Variants in NPAS3 observed in about 807,000 individuals in gnomAD.
NPAS3 encodes the protein neuronal PAS domain protein 3, also known as neuronal PAS domain-containing protein 3.
A neutral mutation model predicts 73.1 loss-of-function variants in NPAS3; 14 were observed. That is an observed-to-expected ratio of 0.19 (90% confidence interval 0.13 to 0.30). The LOEUF (loss-of-function observed/expected upper bound fraction) is 0.30. Ranked by LOEUF, NPAS3 falls within the 10% of genes least tolerant of loss-of-function variation. The pLI is 1.00. For missense variants in NPAS3, 1,096 were observed against 1,250.0 expected, an observed-to-expected ratio of 0.88 and a Z score of 1.86; for synonymous variants, 620 against 541.5, an observed-to-expected ratio of 1.14 and a Z score of -2.01.
chr14:33,162,592 A>G (rs2044939777), intron 2 of NPAS3, among the ~76,000 whole-genome samples: 1 of 152,144 alleles, frequency 6.6e-6, no homozygotes, highest in Non-Finnish European at 1.5e-5. Context: ...CATGTTTGTG[A>G]CTTGACTGTC....
chr14:33,444,852 C>A (rs2049413743), intron 4 of NPAS3, among the ~76,000 whole-genome samples: 1 of 152,246 alleles, frequency 6.6e-6, no homozygotes, highest in African/African-American at 2.4e-5. Flanking sequence ...TCTGCTTTTG[C>A]CCGAATGTTA....
At chr14:33,120,183 C>A (rs1279320) in intron 2 of NPAS3, among the ~76,000 whole-genome samples, 72,088 of 151,752 alleles carry the variant, frequency 0.48, 17,419 homozygotes, top group Middle Eastern at 0.56. Flanking sequence ...CTGGTCTTGA[C>A]CTCCTGACCT....
chr14:33,469,035 A>G (rs1379749938), intron 4 of NPAS3, among the ~76,000 whole-genome samples: 4 of 152,318 alleles, frequency 2.6e-5, no homozygotes, highest in Non-Finnish European at 4.4e-5. Context: ...GAACATTCCA[A>G]GAGAAGCATA....
chr14:33,607,606 G>A (rs2057613810), intron 5 of NPAS3, among the ~76,000 whole-genome samples: 1 of 152,078 alleles, frequency 6.6e-6, no homozygotes, highest in Non-Finnish European at 1.5e-5. Context: ...AGGCTTCACG[G>A]GTGCATTAAT....
chr14:33,244,454 C>A (rs1371964560), intron 3 of NPAS3, among the ~76,000 whole-genome samples: 1 of 151,696 alleles, frequency 6.6e-6, no homozygotes, highest in African/African-American at 2.4e-5. Context: ...GATAGTGGTA[C>A]ATAAACACTT....
At chr14:33,438,677 C>T (rs555890288) in intron 4 of NPAS3, among the ~76,000 whole-genome samples, 2 of 152,150 alleles carry the variant, frequency 1.3e-5, no homozygotes, top group African/African-American at 4.8e-5. Flanking sequence ...AGAATCCATG[C>T]TCAGAATCAC....
At chr14:33,398,057 ATTC>A (rs2047298050) in intron 4 of NPAS3, among the ~76,000 whole-genome samples, 3 of 152,126 alleles carry the variant, frequency 2.0e-5, no homozygotes, top group African/African-American at 7.2e-5. Flanking sequence ...TTAGGGAAAC[ATTC>A]TTCTCCTTTC....
intron 3 of NPAS3, among the ~76,000 whole-genome samples, chr14:33,221,748 A>G (rs1193398976): frequency 6.6e-6 from 1 of 152,072 alleles, no homozygotes; most frequent in Non-Finnish European, 1.5e-5. Flanking sequence ...CGCCACTATT[A>G]CCTTATTTTC....
chr14:33,638,191 C>T (rs2058578437), intron 5 of NPAS3, among the ~76,000 whole-genome samples: 1 of 152,126 alleles, frequency 6.6e-6, no homozygotes, highest in Non-Finnish European at 1.5e-5. Context: ...TCAAATTTTT[C>T]CTTTTTATAT....
upstream of NPAS3, among the ~76,000 whole-genome samples, chr14:32,938,485 T>TAGAGAGAG (rs1491191135): frequency 0.019 from 423 of 21,736 alleles, 27 homozygotes; most frequent in Non-Finnish European, 0.024. Flanking sequence ...GAGAGAGAAA[T>TAGAGAGAG]TGAGAGAGAG....
At chr14:33,297,200 G>A (rs2042338524) in intron 3 of NPAS3, among the ~76,000 whole-genome samples, 2 of 143,358 alleles carry the variant, frequency 1.4e-5, no homozygotes, top group African/African-American at 2.6e-5. Context: ...TACTGGGAAT[G>A]TTATCTGAGC....
chr14:33,778,416 C>T, intron 8 of NPAS3, 50 bp from the exon 9 acceptor site: 3 of 1,294,878 alleles, frequency 2.3e-6, no homozygotes, highest in Non-Finnish European at 3.4e-6. Flanking sequence ...TTGACAGTTT[C>T]TTTATATTTC....
intron 4 of NPAS3, among the ~76,000 whole-genome samples, chr14:33,457,904 C>T (rs1022093648): frequency 2.0e-5 from 3 of 152,152 alleles, no homozygotes; most frequent in Non-Finnish European, 4.4e-5. Context: ...TGTTTATCAG[C>T]GTCTCACTGT....
At chr14:33,156,974 T>C (rs1164366790) in intron 2 of NPAS3, among the ~76,000 whole-genome samples, 1 of 152,162 alleles carries the variant, frequency 6.6e-6, no homozygotes, top group East Asian at 1.9e-4. Context: ...GAACTGTAGT[T>C]ACATTTACCA....
intron 5 of NPAS3, among the ~76,000 whole-genome samples, chr14:33,670,300 C>CTA (rs1364078098): frequency 6.6e-6 from 1 of 152,190 alleles, no homozygotes; most frequent in African/African-American, 2.4e-5. Context: ...ATTTTTCATT[C>CTA]TATCTCATCA....
At chr14:33,079,325 C>CTTTTTTTTTTT (rs772885846) in intron 2 of NPAS3, among the ~76,000 whole-genome samples, 5,516 of 131,730 alleles carry the variant, frequency 0.042, 345 homozygotes, top group African/African-American at 0.079. Flanking sequence ...TTTCTTTTTC[C>CTTTTTTTTTTT]TTTTTTTTTT....
chr14:33,444,275 T>C (rs2049384668), intron 4 of NPAS3, among the ~76,000 whole-genome samples: 1 of 152,218 alleles, frequency 6.6e-6, no homozygotes, highest in African/African-American at 2.4e-5. Flanking sequence ...TTCTTGTCTA[T>C]ACCTCCTCCA....
intron 1 of NPAS3, among the ~76,000 whole-genome samples, chr14:32,961,925 T>C (rs2036938259): frequency 6.6e-6 from 1 of 152,182 alleles, no homozygotes; most frequent in Non-Finnish European, 1.5e-5. Context: ...AATATTGATA[T>C]TCTGTTGCCT....
At chr14:33,180,531 G>T (rs1344353857) in intron 2 of NPAS3, among the ~76,000 whole-genome samples, 1 of 152,158 alleles carries the variant, frequency 6.6e-6, no homozygotes, top group Admixed American at 6.5e-5. Context: ...TGGGCACGGT[G>T]GCTCAGACCT....
Sources: allele counts gnomAD v4.1 joint callset (sites outside exome capture counted in the v4.1 genomes callset), GRCh38; gene constraint gnomAD v4.1.1; transcripts MANE v1.5; gene names NCBI Gene and HGNC (gene_info 2026-07-23, HGNC 2026-07-21).